PRH1: variants seen among roughly 807,000 people sequenced by gnomAD.
PRH1 encodes salivary acidic proline-rich phosphoprotein 1/2.
Under a neutral mutation model 7.9 loss-of-function variants are expected in PRH1, and 7 were observed. The observed-to-expected ratio is 0.89, with a 90% CI of 0.50 to 1.67. The LOEUF is 1.67. Ranked by LOEUF, PRH1 falls within the 40% of genes most tolerant of loss-of-function variation. The probability of loss-of-function intolerance (pLI) is 0.00; values close to 1 mark genes in which losing one functional copy is unlikely to be tolerated. For synonymous variants in PRH1, 45 were observed against 80.8 expected (o/e 0.56, Z 2.38); for missense variants, 109 against 223.6 (o/e 0.49, Z 3.27).
At chr12:10,930,062 G>A (rs1420458305) in intron 2 of PRH1, among the ~76,000 whole-genome samples, 2 of 152,158 alleles carry the variant, frequency 1.3e-5, no homozygotes, top group Non-Finnish European at 1.5e-5. Flanking sequence ...GCCCTTCTAT[G>A]TTGAGTTCCT....
At chr12:11,021,087 T>TTGCCTTCCCAAAGGCAAATACATA (rs1941599231) in intron 1 of PRH1, among the ~76,000 whole-genome samples, 17,879 of 128,228 alleles carry the variant, frequency 0.14, no homozygotes, top group Non-Finnish European at 0.17. Context: ...TATACAAAAT[T>TTGCCTTCCCAAAGGCAAATACATA]TACTCTACAT....
At chr12:11,084,287 C>A (rs1461118012) in intron 1 of PRH1, among the ~76,000 whole-genome samples, 1 of 142,528 alleles carries the variant, frequency 7.0e-6, no homozygotes, top group African/African-American at 2.5e-5. Context: ...TTTCTTTTGT[C>A]TACTCTGAGC....
intron 2 of PRH1, among the ~76,000 whole-genome samples, chr12:10,907,546 A>ATATATC (rs1565463092): frequency 6.6e-6 from 1 of 152,044 alleles, no homozygotes; most frequent in Admixed American, 6.6e-5. Flanking sequence ...TATGGCATCT[A>ATATATC]TATATCTATA....
intron 2 of PRH1, among the ~76,000 whole-genome samples, chr12:10,958,205 T>C (rs944232654): frequency 2.0e-5 from 3 of 152,088 alleles, no homozygotes; most frequent in South Asian, 2.1e-4. Flanking sequence ...ATATGGTACA[T>C]ACACACCATG....
rs531294356 is a variant in PRH1 at position 11,107,071 on chromosome 12, T to C, written n.124-59883A>G. Reference sequence around the variant, plus strand: ...GTCACCCAGGCTGGAGTGCAATGGCTTGATCACAGCTCACTCCAGTCTCAA... The same window carrying C: ...GTCACCCAGGCTGGAGTGCAATGGCCTGATCACAGCTCACTCCAGTCTCAA... On this transcript the variant is annotated intron_variant and non_coding_transcript_variant, in intron 1 of 4. Transcript: ENST00000541977. 7.6e-4 allele frequency among the ~76,000 whole-genome samples: 115 copies of C among 152,240 alleles called. 2 individuals are homozygous for C. The South Asian group carries it at 0.023, about 30-fold the overall frequency.
chr12:10,999,627 C>T (rs1220707739), intron 1 of PRH1, among the ~76,000 whole-genome samples: 1 of 152,086 alleles, frequency 6.6e-6, no homozygotes, highest in East Asian at 1.9e-4. Flanking sequence ...TGGAACACTG[C>T]AAACAGACTA....
intron 1 of PRH1, among the ~76,000 whole-genome samples, chr12:11,115,017 A>G (rs749412960): frequency 3.7e-4 from 57 of 152,174 alleles, no homozygotes; most frequent in Middle Eastern, 3.2e-3. Context: ...CAGAAAACAA[A>G]TAACAAAATG....
intron 2 of PRH1, among the ~76,000 whole-genome samples, chr12:10,969,959 C>G (rs1938720519): frequency 1.3e-5 from 2 of 152,130 alleles, no homozygotes; most frequent in Non-Finnish European, 2.9e-5. Flanking sequence ...CACCACCACA[C>G]CCGGCTAATT....
rs143614038 is a variant in PRH1 at position 11,031,203 on chromosome 12, C to G, written c.-126+15817G>C. ...ACCGCCAGAGCAGTGAGAATCTGGTCAGCAAAAGAGATCTTTTGTCTCTTG... is the reference window on the plus strand; with the variant it reads ...ACCGCCAGAGCAGTGAGAATCTGGTGAGCAAAAGAGATCTTTTGTCTCTTG... On this transcript the variant is annotated intron_variant, in intron 1 of 3. Transcript: ENST00000539853. The G allele has an allele frequency of 3.0e-3, 4,796 of 1,614,148 alleles. 6 individuals are homozygous for G. Among genetic ancestry groups the G allele is most frequent in the Non-Finnish European group, 3.6e-3 (4,202 of 1,180,006 alleles).
intron 1 of PRH1, among the ~76,000 whole-genome samples, chr12:11,046,821 G>A (rs947095143): frequency 6.6e-6 from 1 of 151,994 alleles, no homozygotes; most frequent in African/African-American, 2.4e-5. Context: ...ATTTCATGTA[G>A]AATACATTGA....
At chr12:11,138,961 G>C (rs1946631957) in intron 1 of PRH1, among the ~76,000 whole-genome samples, 1 of 152,118 alleles carries the variant, frequency 6.6e-6, no homozygotes, top group African/African-American at 2.4e-5. Flanking sequence ...AATCACTTCA[G>C]CCCGGGTGGC....
intron 1 of PRH1, among the ~76,000 whole-genome samples, chr12:11,136,405 T>C (rs1406607300): frequency 1.3e-5 from 2 of 152,214 alleles, no homozygotes; most frequent in African/African-American, 2.4e-5. Context: ...TGCTTCTTTT[T>C]TGAAGTTATG....
At chr12:11,016,888 C>G (rs1302723869) in intron 1 of PRH1, among the ~76,000 whole-genome samples, 1 of 152,170 alleles carries the variant, frequency 6.6e-6, no homozygotes, top group Non-Finnish European at 1.5e-5. Context: ...ATCACATTCT[C>G]CAAGGAATGG....
intron 2 of PRH1, among the ~76,000 whole-genome samples, chr12:10,932,590 T>A (rs950441918): frequency 6.6e-6 from 1 of 152,182 alleles, no homozygotes; most frequent in Admixed American, 6.5e-5. Flanking sequence ...ACAGGACCAA[T>A]GAAAGAAAGT....
chr12:11,057,005 CTTT>C (rs66633867), intron 1 of PRH1, among the ~76,000 whole-genome samples: 19 of 146,126 alleles, frequency 1.3e-4, no homozygotes, highest in Admixed American at 9.6e-4. Flanking sequence ...AGAACTTTCA[CTTT>C]TTTTTTTTTT....
chr12:10,922,978 G>A (rs1003929636), intron 2 of PRH1, among the ~76,000 whole-genome samples: 5 of 149,548 alleles, frequency 3.3e-5, no homozygotes, highest in African/African-American at 9.8e-5. Context: ...ACAGGCGCCC[G>A]CCACCGCGCC....
At chr12:11,144,451 C>G (rs901280862) in intron 1 of PRH1, among the ~76,000 whole-genome samples, 1 of 152,110 alleles carries the variant, frequency 6.6e-6, no homozygotes, top group Non-Finnish European at 1.5e-5. Context: ...CCCTCCCAGC[C>G]GACAGCACCG....
At chr12:11,137,276 A>AG (rs1946584791) in intron 1 of PRH1, among the ~76,000 whole-genome samples, 1 of 152,248 alleles carries the variant, frequency 6.6e-6, no homozygotes, top group Non-Finnish European at 1.5e-5. Flanking sequence ...TCTTTAAAAG[A>AG]TCAAAGAGTA....
At chr12:11,152,855 A>G (rs557003015) in intron 1 of PRH1, among the ~76,000 whole-genome samples, 240 of 152,326 alleles carry the variant, frequency 1.6e-3, no homozygotes, top group African/African-American at 5.6e-3. Flanking sequence ...CCATGAGAAT[A>G]GCCACAGCTA....
Sources: allele counts gnomAD v4.1 joint callset (sites outside exome capture counted in the v4.1 genomes callset), GRCh38; gene constraint gnomAD v4.1.1; transcripts MANE v1.5; gene names NCBI Gene and HGNC (gene_info 2026-07-23, HGNC 2026-07-21).